ZMIZ1: variants seen among roughly 807,000 people sequenced by gnomAD.
ZMIZ1 encodes zinc finger MIZ-type containing 1, also known as zinc finger MIZ domain-containing protein 1.
Under a neutral mutation model 113.9 loss-of-function variants are expected in ZMIZ1, and 17 were observed. The ratio of observed to expected loss-of-function variants is 0.15; its 90% CI spans 0.10 to 0.22. ZMIZ1 has a LOEUF of 0.22. Among genes scored for constraint, ZMIZ1 ranks in the 10% least tolerant of loss-of-function variants. The probability of loss-of-function intolerance (pLI) is 1.00; values close to 1 mark genes in which losing one functional copy is unlikely to be tolerated. For missense variants in ZMIZ1, 1,059 were observed against 1,477.8 expected (o/e 0.72, Z 4.65); for synonymous variants, 607 against 603.1 (o/e 1.01, Z -0.09).
Position 79,306,089 on chromosome 10 carries a change from T to C in ZMIZ1, c.2424-11T>C. ...CCCGGAGCCTCAGCTCTGCCACCCT[T>C]CCTCCCCCAGCTCCGAGTTTGAAGA... On this transcript the variant is annotated splice_polypyrimidine_tract_variant and intron_variant, in intron 21 of 24. Coordinates refer to ENST00000334512, the MANE Select transcript of ZMIZ1 (RefSeq NM_020338.4). The C allele has an allele frequency of 6.2e-7, 1 of 1,608,278 alleles. No homozygotes were observed. The highest frequency in any genetic ancestry group is 8.5e-7 in the Non-Finnish European group (1 of 1,176,996).
At chr10:79,303,626 C>T (rs1002956332) in intron 18 of ZMIZ1, among the ~76,000 whole-genome samples, 4 of 152,166 alleles carry the variant, frequency 2.6e-5, no homozygotes, top group Non-Finnish European at 4.4e-5. Context: ...TCCATTTCCA[C>T]ATGTGCAGAG....
intron 23 of ZMIZ1, among the ~76,000 whole-genome samples, chr10:79,309,893 G>A (rs747412643): frequency 2.0e-5 from 3 of 152,222 alleles, no homozygotes; most frequent in African/African-American, 4.8e-5. Flanking sequence ...CGAAAGTGGG[G>A]CTGGGGGCTG....
chr10:79,220,493 C>T (rs1848920315), intron 7 of ZMIZ1, among the ~76,000 whole-genome samples: 1 of 152,206 alleles, frequency 6.6e-6, no homozygotes, highest in Non-Finnish European at 1.5e-5. Flanking sequence ...CCAGGGAGGC[C>T]TCTGCAGTTC....
intron 3 of ZMIZ1, among the ~76,000 whole-genome samples, chr10:79,155,547 C>T (rs1168077132): frequency 6.6e-6 from 1 of 152,356 alleles, no homozygotes; most frequent in South Asian, 2.1e-4. Flanking sequence ...AGACAAGCCA[C>T]GCATGTGCAC....
intron 3 of ZMIZ1, among the ~76,000 whole-genome samples, chr10:79,151,414 A>G (rs1845705132): frequency 6.6e-6 from 1 of 152,206 alleles, no homozygotes; most frequent in African/African-American, 2.4e-5. Flanking sequence ...TTTCGTAGGC[A>G]GTGGGGAGCC....
At chr10:79,266,268 T>A (rs1564565093) in intron 7 of ZMIZ1, among the ~76,000 whole-genome samples, 2 of 152,194 alleles carry the variant, frequency 1.3e-5, no homozygotes, top group Non-Finnish European at 2.9e-5. Flanking sequence ...CCTGGGGATA[T>A]GCCTGCTCTC....
At chr10:79,201,401 C>T (rs553338602) in intron 4 of ZMIZ1, among the ~76,000 whole-genome samples, 183 bp from the exon 5 acceptor site, 2 of 152,366 alleles carry the variant, frequency 1.3e-5, no homozygotes, top group East Asian at 3.9e-4. Context: ...ATGTGCCACA[C>T]ATGGAAAGCA....
intron 1 of ZMIZ1, among the ~76,000 whole-genome samples, chr10:79,102,149 A>G (rs1843388204): frequency 6.6e-6 from 1 of 152,158 alleles, no homozygotes; most frequent in African/African-American, 2.4e-5. Flanking sequence ...CCCTCCACCT[A>G]CAAACAACCC....
intron 4 of ZMIZ1, among the ~76,000 whole-genome samples, chr10:79,167,967 A>AG (rs1191215548): frequency 2.0e-5 from 3 of 152,174 alleles, no homozygotes; most frequent in Non-Finnish European, 4.4e-5. Context: ...GAGGGAGAAG[A>AG]GGGGATTTAC....
At chr10:79,122,783 C>G (rs868235994) in intron 2 of ZMIZ1, among the ~76,000 whole-genome samples, 3 of 152,214 alleles carry the variant, frequency 2.0e-5, no homozygotes, top group Non-Finnish European at 4.4e-5. Flanking sequence ...AGTTCCTGGG[C>G]TGAGGTCAGA....
At chr10:79,211,541 G>T (rs2132694481) in intron 6 of ZMIZ1, among the ~76,000 whole-genome samples, 1 of 152,278 alleles carries the variant, frequency 6.6e-6, no homozygotes, top group South Asian at 2.1e-4. Flanking sequence ...TCTGGATCCG[G>T]CTTACTTTGA....
At chr10:79,120,026 G>A (rs1003950394) in intron 2 of ZMIZ1, among the ~76,000 whole-genome samples, 8 of 152,214 alleles carry the variant, frequency 5.3e-5, no homozygotes, top group African/African-American at 1.9e-4. Flanking sequence ...CCATAACAGT[G>A]GCGTGGAGAG....
chr10:79,248,290 G>C (rs1850330448), intron 7 of ZMIZ1, among the ~76,000 whole-genome samples: 2 of 152,198 alleles, frequency 1.3e-5, no homozygotes, highest in Admixed American at 1.3e-4. Flanking sequence ...CTGTTGGGTG[G>C]GAGGACTAGT....
intron 1 of ZMIZ1, among the ~76,000 whole-genome samples, chr10:79,082,200 C>G (rs1214742280): frequency 6.6e-6 from 1 of 152,248 alleles, no homozygotes; most frequent in Non-Finnish European, 1.5e-5. Context: ...ACCAGAAACA[C>G]TCGTCCTGGG....
intron 7 of ZMIZ1, among the ~76,000 whole-genome samples, chr10:79,246,822 A>ACCACAGGCAGGGAAGGAAGGCCAG (rs2132863329): frequency 6.6e-6 from 1 of 152,140 alleles, no homozygotes; most frequent in South Asian, 2.1e-4. Flanking sequence ...CTGGCCAGAC[A>ACCACAGGCAGGGAAGGAAGGCCAG]CCACAGGCAG....
chr10:79,113,349 G>A (rs369668252), intron 1 of ZMIZ1, among the ~76,000 whole-genome samples: 1 of 152,252 alleles, frequency 6.6e-6, no homozygotes, highest in Non-Finnish European at 1.5e-5. Flanking sequence ...ACTGGCTTAG[G>A]TGTCCTGAGT....
rs542307038 is a variant in ZMIZ1 at position 79,226,388 on chromosome 10, G to A, written c.280+10114G>A. On this transcript the variant is annotated intron_variant, in intron 7 of 24. Transcript: ENST00000334512. ...CAGGTATCACCATGCCTGCCTTCCC[G>A]AGCCTTCCTGCATCTGCCTCTAGCC... 1.2e-4 allele frequency among the ~76,000 whole-genome samples: 18 copies of A among 152,232 alleles called. No individual in the cohort carries two copies. The South Asian group carries it at 2.5e-3, about 21-fold the overall frequency.
chr10:79,246,771 G>A (rs2132863104), intron 7 of ZMIZ1, among the ~76,000 whole-genome samples: 1 of 152,308 alleles, frequency 6.6e-6, no homozygotes, highest in Non-Finnish European at 1.5e-5. Context: ...GAAAAACAAG[G>A]CCTCCACCCT....
At chr10:79,131,420 CTGTCG>C (rs1359703886) in intron 2 of ZMIZ1, among the ~76,000 whole-genome samples, 1 of 152,192 alleles carries the variant, frequency 6.6e-6, no homozygotes, top group Non-Finnish European at 1.5e-5. Flanking sequence ...CTTCTCTGAG[CTGTCG>C]TGCCTGTTTT....
Sources: gnomAD v4.1 joint callset for allele counts (sites outside exome capture counted in the v4.1 genomes callset) on GRCh38, gnomAD v4.1.1 for gene constraint, MANE v1.5 for transcripts, NCBI Gene and HGNC (gene_info 2026-07-23, HGNC 2026-07-21) for gene names.